Variants in BCAS3 observed in about 807,000 individuals in gnomAD.
The protein encoded by BCAS3 is BCAS4/BCAS3 fusion.
BCAS3 carries 53 observed loss-of-function variants against 116.1 expected under a neutral mutation model. That is an observed-to-expected ratio of 0.46 (90% CI 0.37 to 0.57). BCAS3 has a LOEUF of 0.57. BCAS3 is among the 20% of genes least tolerant of loss of function. The pLI, the probability that BCAS3 is intolerant of heterozygous loss-of-function variation, is 0.00. For synonymous variants in BCAS3, 391 were observed against 408.2 expected (o/e 0.96, Z 0.51); for missense variants, 917 against 1,165.4 (o/e 0.79, Z 3.10).
At chr17:60,751,703 C>A (rs1013149968) in intron 6 of BCAS3, among the ~76,000 whole-genome samples, 1 of 151,964 alleles carries the variant, frequency 6.6e-6, no homozygotes, top group Non-Finnish European at 1.5e-5. Flanking sequence ...CCACCACACC[C>A]GACTAGTTTT....
intron 22 of BCAS3, among the ~76,000 whole-genome samples, chr17:61,194,040 C>G (rs2144244471): frequency 6.6e-6 from 1 of 152,060 alleles, no homozygotes; most frequent in African/African-American, 2.4e-5. Context: ...TCACTTGAAC[C>G]CAGGAGGCAC....
rs542464116 is a variant in BCAS3 at position 60,766,951 on chromosome 17, C to T, written c.403+19672C>T. Among the ~76,000 whole-genome samples the T allele has an allele frequency of 1.6e-4, 24 of 152,326 alleles. No individual in the cohort carries two copies. The East Asian group carries it at 2.7e-3, about 17-fold the overall frequency. ...GGCTTACTGCCTTGCAGTTTGATCT[C>T]GGACTGCTGCTCTAGCAGTGAGCAA... On this transcript the variant is annotated intron_variant, in intron 6 of 23. Coordinates refer to ENST00000407086, the MANE Select transcript of BCAS3 (RefSeq NM_017679.5).
At chr17:60,841,949 A>G (rs2051976061) in intron 7 of BCAS3, among the ~76,000 whole-genome samples, 1 of 152,150 alleles carries the variant, frequency 6.6e-6, no homozygotes, top group Non-Finnish European at 1.5e-5. Context: ...GGAAGATGGC[A>G]TGAGGTAGCC....
chr17:60,986,499 G>A (rs531241501), intron 14 of BCAS3, among the ~76,000 whole-genome samples: 19 of 152,122 alleles, frequency 1.2e-4, no homozygotes, highest in Non-Finnish European at 2.2e-4. Flanking sequence ...CCTTGCCATC[G>A]TTTGCTATTA....
At chr17:60,747,340 G>A (rs1291041450) in intron 6 of BCAS3, 61 bp downstream of exon 6, 2 of 1,351,676 alleles carry the variant, frequency 1.5e-6, no homozygotes, top group African/African-American at 1.4e-5. Context: ...GTTGGTCTTG[G>A]ACTACAGGCA....
In BCAS3 at chr17:61,144,458, A is replaced by G. The variant is rs2143958249; in HGVS notation, c.2425+59894A>G. Among the ~76,000 whole-genome samples the G allele has an allele frequency of 6.6e-6, 1 of 152,348 alleles. No homozygotes were observed. Among genetic ancestry groups the G allele is most frequent in the South Asian group, 2.1e-4 (1 of 4,832 alleles). On this transcript the variant is annotated intron_variant, in intron 22 of 23. Coordinates refer to ENST00000407086, the MANE Select transcript of BCAS3 (RefSeq NM_017679.5). This position sits in a 1 kb window ranked among gnomAD's most constrained non-coding sequence, Gnocchi z 5.0. ...TGTTTCATAATGAAGTGTCCCTCCA[A>G]GCATTCTCTATCTTCTGGTAATGCA...
chr17:60,707,330 G>A (rs1167219142), intron 4 of BCAS3, among the ~76,000 whole-genome samples: 5 of 152,110 alleles, frequency 3.3e-5, no homozygotes, highest in African/African-American at 1.2e-4. Context: ...GTTTCGCCAT[G>A]TTGCCCAGGC....
At chr17:60,803,022 A>G (rs565067861) in intron 6 of BCAS3, among the ~76,000 whole-genome samples, 1 of 152,298 alleles carries the variant, frequency 6.6e-6, no homozygotes, top group African/African-American at 2.4e-5. Context: ...TGGACTTGTT[A>G]ACATGTCCCA....
chr17:60,988,070 T>G (rs2063263761), intron 14 of BCAS3, among the ~76,000 whole-genome samples: 1 of 152,136 alleles, frequency 6.6e-6, no homozygotes, highest in Non-Finnish European at 1.5e-5. Context: ...ATTTCCAGCA[T>G]CAGTTGAAAT....
intron 2 of BCAS3, among the ~76,000 whole-genome samples, chr17:60,682,850 T>C (rs566174354): frequency 1.3e-5 from 2 of 152,334 alleles, no homozygotes; most frequent in African/African-American, 4.8e-5. Flanking sequence ...AAGTTGTTTT[T>C]TTCCACTTGC....
rs543791178 is a variant in BCAS3, at chr17:61,366,217, G to A, written c.2426-2110G>A. ...CTTGTTATCATTAAGTCCTTGCGTC[G>A]CATGCAGACCCTTCAGAGAAACGAT... On this transcript the variant is annotated intron_variant, in intron 22 of 23. Transcript: ENST00000407086. The surrounding 1 kb of genome is among the most constrained non-coding windows in gnomAD (Gnocchi z 4.5). Among the ~76,000 whole-genome samples the A allele has an allele frequency of 3.9e-5, 6 of 152,102 alleles. No homozygotes were observed. Among genetic ancestry groups the A allele is most frequent in the Admixed American group, 6.5e-5 (1 of 15,280 alleles).
At chr17:60,852,332 T>A (rs751424254) in intron 7 of BCAS3, among the ~76,000 whole-genome samples, 13 of 152,146 alleles carry the variant, frequency 8.5e-5, no homozygotes, top group Non-Finnish European at 1.9e-4. Flanking sequence ...TTGGTTGTGG[T>A]TGTCCTGTTT....
At chr17:61,150,757 C>T (rs2077498995) in intron 22 of BCAS3, among the ~76,000 whole-genome samples, 1 of 152,104 alleles carries the variant, frequency 6.6e-6, no homozygotes, top group African/African-American at 2.4e-5. Flanking sequence ...GTCTTTAACC[C>T]CCAGACTGCT....
chr17:61,370,387 G>T (rs75465014), intron 23 of BCAS3, among the ~76,000 whole-genome samples: 5,681 of 148,834 alleles, frequency 0.038, 323 homozygotes, highest in African/African-American at 0.13. Context: ...GAAAAAACTT[G>T]TTCTTTTTTT....
At chr17:61,160,137 A>C (rs750935009) in intron 22 of BCAS3, among the ~76,000 whole-genome samples, 3 of 151,678 alleles carry the variant, frequency 2.0e-5, no homozygotes, top group Non-Finnish European at 4.4e-5. Context: ...ACTACAAGGA[A>C]ATGCCATTCA....
intron 6 of BCAS3, among the ~76,000 whole-genome samples, chr17:60,781,754 A>G (rs1163199595): frequency 1.3e-5 from 2 of 152,148 alleles, no homozygotes; most frequent in East Asian, 1.9e-4. Flanking sequence ...TTTTACAATT[A>G]TGTGTATTTC....
chr17:60,727,995 G>T (rs997656573), intron 5 of BCAS3, among the ~76,000 whole-genome samples: 1 of 151,846 alleles, frequency 6.6e-6, no homozygotes, highest in African/African-American at 2.4e-5. Context: ...TTTTTGTAGA[G>T]ATGGGGTTTC....
At chr17:61,054,581 G>C (rs2069187601) in intron 19 of BCAS3, among the ~76,000 whole-genome samples, 1 of 152,232 alleles carries the variant, frequency 6.6e-6, no homozygotes, top group Non-Finnish European at 1.5e-5. Flanking sequence ...GCCTAGACTG[G>C]TCTCAAACTC....
chr17:61,221,043 T>C (rs1601986739), intron 22 of BCAS3, among the ~76,000 whole-genome samples: 1 of 152,318 alleles, frequency 6.6e-6, no homozygotes, highest in Admixed American at 6.5e-5. Flanking sequence ...GAGCTCGCAG[T>C]GAGCCGAGAT....
Sources: allele counts gnomAD v4.1 joint callset (sites outside exome capture counted in the v4.1 genomes callset), GRCh38; gene constraint gnomAD v4.1.1; non-coding constraint Gnocchi (gnomAD v3.1); transcripts MANE v1.5; gene names NCBI Gene and HGNC (gene_info 2026-07-23, HGNC 2026-07-21).